DNAH11: variants seen among roughly 807,000 people sequenced by gnomAD.
DNAH11 encodes the protein dynein axonemal heavy chain 11.
DNAH11 carries 442 observed loss-of-function variants against 526.0 expected under a neutral mutation model. The ratio of observed to expected loss-of-function variants is 0.84; its 90% CI spans 0.78 to 0.91. The LOEUF is 0.91. Among genes scored for constraint, DNAH11 ranks in the 40% least tolerant of loss-of-function variants. DNAH11 has a pLI of 0.00. For missense variants in DNAH11, 6,989 were observed against 5,448.7 expected, an observed-to-expected ratio of 1.28 and a Z score of -8.90; for synonymous variants, 2,461 against 1,935.9, an observed-to-expected ratio of 1.27 and a Z score of -7.12.
At chr7:21,821,362 C>T (rs1357002992) in intron 65 of DNAH11, among the ~76,000 whole-genome samples, 2 of 152,034 alleles carry the variant, frequency 1.3e-5, no homozygotes, top group Non-Finnish European at 2.9e-5. Context: ...ATCTATCTGG[C>T]GAAGCAGTTA....
chr7:21,811,168 A>T (rs1789497057), intron 63 of DNAH11, among the ~76,000 whole-genome samples: 1 of 152,138 alleles, frequency 6.6e-6, no homozygotes, highest in South Asian at 2.1e-4. Flanking sequence ...GCTAACTGAA[A>T]TTAGCCAGTC....
intron 55 of DNAH11, among the ~76,000 whole-genome samples, chr7:21,770,070 C>G (rs1275076822): frequency 6.6e-6 from 1 of 152,208 alleles, no homozygotes; most frequent in Non-Finnish European, 1.5e-5. Flanking sequence ...ACATTTAACA[C>G]TTGTTGCTGC....
At chr7:21,625,827 T>C (rs1206910441) in intron 25 of DNAH11, among the ~76,000 whole-genome samples, 3 of 152,156 alleles carry the variant, frequency 2.0e-5, no homozygotes, top group Admixed American at 6.5e-5. Flanking sequence ...CTGTTATTGA[T>C]TTCTACTTTT....
chr7:21,702,722 T>A lies in DNAH11; in HGVS notation c.6193T>A (p.Trp2065Arg). Residue 2065 changes from tryptophan (W) to arginine (R), a missense_variant, in exon 37 of 82, where the codon TGG (tryptophan) becomes AGG (arginine). Coordinates refer to ENST00000409508, the MANE Select transcript of DNAH11 (RefSeq NM_001277115.2). ...GTTTTGATTTTAGGATCATTACGAC[T>A]GGGGACTTCGTGCTATTAAGTCTGT... ...ELLSKQDHYDWGLRAIKSVLV... is the reference protein window; with the variant it reads ...ELLSKQDHYDRGLRAIKSVLV... 6.2e-7 allele frequency: 1 copy of A among 1,613,654 alleles called. No homozygotes were observed. Among genetic ancestry groups the A allele is most frequent in the Non-Finnish European group, 8.5e-7 (1 of 1,179,694 alleles).
intron 32 of DNAH11, among the ~76,000 whole-genome samples, chr7:21,684,440 G>A (rs575675198): frequency 1.3e-5 from 2 of 152,262 alleles, no homozygotes; most frequent in African/African-American, 4.8e-5. Context: ...CTAGTAAGTG[G>A]GGGTAAAGAG....
Position 21,880,080 on chromosome 7 carries a change from G to A in DNAH11, c.12196-622G>A, listed in dbSNP as rs779854959. ...AGCCTGGGTGACAGAGCAAGACTCC[G>A]TCTCAAAAAAAAAAAAAAAAAGAAA... On this transcript the variant is annotated intron_variant, in intron 74 of 81. Coordinates refer to ENST00000409508, the MANE Select transcript of DNAH11 (RefSeq NM_001277115.2). 1.3e-3 allele frequency among the ~76,000 whole-genome samples: 161 copies of A among 120,968 alleles called. 1 individual carries two copies. Among genetic ancestry groups the A allele is most frequent in the Admixed American group, 2.6e-3 (28 of 10,942 alleles). 79.4% of individuals were successfully genotyped at this position (120,968 alleles called of 152,430 possible).
intron 26 of DNAH11, among the ~76,000 whole-genome samples, chr7:21,636,809 A>T (rs921017250): frequency 2.6e-5 from 4 of 152,200 alleles, no homozygotes; most frequent in African/African-American, 9.6e-5. Context: ...TATTTGTCCC[A>T]TGCACCATAG....
At chr7:21,733,257 A>G (rs909019952) in intron 45 of DNAH11, among the ~76,000 whole-genome samples, 2 of 152,192 alleles carry the variant, frequency 1.3e-5, no homozygotes, top group Admixed American at 1.3e-4. Context: ...GTATGGTGGC[A>G]GGCGCCTGTA....
intron 61 of DNAH11, among the ~76,000 whole-genome samples, chr7:21,792,220 A>C (rs1788506537): frequency 6.6e-6 from 1 of 152,064 alleles, no homozygotes; most frequent in East Asian, 1.9e-4. Context: ...TATCACATTT[A>C]CTCATTTGCA....
chr7:21,801,021 G>A, intron 61 of DNAH11, 116 bp from the exon 62 acceptor site: 4 of 1,112,768 alleles, frequency 3.6e-6, no homozygotes, highest in East Asian at 2.6e-5. Context: ...AGGGGCAAAG[G>A]TTAATGGGGG....
intron 36 of DNAH11, 146 bp downstream of exon 36, chr7:21,698,359 A>T: frequency 8.4e-7 from 1 of 1,191,402 alleles, no homozygotes; most frequent in Non-Finnish European, 1.2e-6. Flanking sequence ...TTGGGGGAAC[A>T]GGTGTTTTTT....
chr7:21,812,815 C>A (rs866298874), intron 63 of DNAH11, among the ~76,000 whole-genome samples: 1 of 152,128 alleles, frequency 6.6e-6, no homozygotes, highest in African/African-American at 2.4e-5. Flanking sequence ...GCATTGATGC[C>A]TGTTGATGCT....
At chr7:21,677,485 G>A (rs771737016) in intron 30 of DNAH11, among the ~76,000 whole-genome samples, 45 of 152,088 alleles carry the variant, frequency 3.0e-4, no homozygotes, top group Non-Finnish European at 4.9e-4. Context: ...AGAGTCAAGC[G>A]ATTCTCCTGC....
intron 61 of DNAH11, among the ~76,000 whole-genome samples, chr7:21,793,992 G>A (rs1025670690): frequency 2.0e-5 from 3 of 152,046 alleles, no homozygotes; most frequent in African/African-American, 4.8e-5. Flanking sequence ...TTTTCAAATA[G>A]CCTGTCTTTG....
At chr7:21,623,826 G>T (rs1583539224) in intron 25 of DNAH11, among the ~76,000 whole-genome samples, 1 of 147,958 alleles carries the variant, frequency 6.8e-6, no homozygotes, top group Admixed American at 6.7e-5. Flanking sequence ...GGGGTGGGGG[G>T]AGGAGGGAGG....
At chr7:21,783,475 A>G (rs1483029186) in intron 57 of DNAH11, among the ~76,000 whole-genome samples, 1 of 152,180 alleles carries the variant, frequency 6.6e-6, no homozygotes, top group Non-Finnish European at 1.5e-5. Flanking sequence ...TTCACACTTT[A>G]TATTCCACAA....
chr7:21,702,949 C>A, intron 37 of DNAH11, 147 bp downstream of exon 37: 2 of 688,772 alleles, frequency 2.9e-6, no homozygotes, highest in South Asian at 2.0e-5. Flanking sequence ...TGAGGATTGG[C>A]GTTCCTTATA....
chr7:21,609,366 C>G (rs553587094), intron 20 of DNAH11, among the ~76,000 whole-genome samples: 1 of 152,018 alleles, frequency 6.6e-6, no homozygotes, highest in African/African-American at 2.4e-5. Context: ...CAGACAGGCA[C>G]GCACCACCAC....
chr7:21,774,048 G>C (rs1787555349), intron 56 of DNAH11, 49 bp downstream of exon 56: 1 of 1,416,334 alleles, frequency 7.1e-7, no homozygotes, highest in Non-Finnish European at 9.4e-7. Context: ...CTGTTTAACA[G>C]AAAAATATAT....
Sources: allele counts gnomAD v4.1 joint callset (sites outside exome capture counted in the v4.1 genomes callset), GRCh38; gene constraint gnomAD v4.1.1; transcripts MANE v1.5; gene names NCBI Gene and HGNC (gene_info 2026-07-23, HGNC 2026-07-21).